The following MARCHF4 variants were observed in gnomAD, a reference collection of about 807,000 sequenced individuals.
MARCHF4 encodes the protein membrane associated ring-CH-type finger 4, also known as E3 ubiquitin-protein ligase MARCHF4.
Under a neutral mutation model 43.9 loss-of-function variants are expected in MARCHF4, and 14 were observed. The ratio of observed to expected loss-of-function variants is 0.32; its 90% CI spans 0.21 to 0.50. MARCHF4 has a LOEUF of 0.50. Ranked by LOEUF, MARCHF4 falls within the 20% of genes least tolerant of loss-of-function variation. The pLI, the probability that MARCHF4 is intolerant of heterozygous loss-of-function variation, is 0.98. For synonymous variants in MARCHF4, 226 were observed against 213.3 expected (o/e 1.06, Z -0.52); for missense variants, 468 against 536.7 (o/e 0.87, Z 1.27).
intron 3 of MARCHF4, among the ~76,000 whole-genome samples, chr2:216,269,419 G>T (rs1485195084): frequency 6.6e-6 from 1 of 152,146 alleles, no homozygotes; most frequent in Non-Finnish European, 1.5e-5. Context: ...GAGGACATTA[G>T]ATATAATCAG....
Position 216,370,023 on chromosome 2 carries a change from G to T in MARCHF4, c.238C>A (p.Pro80Thr). ...GCCCACCCCCCGGCGCCCAGAGCCGGAAGGGTGTTGTTGGCCGCCAAACCG... is the reference window on the plus strand; with the variant it reads ...GCCCACCCCCCGGCGCCCAGAGCCGTAAGGGTGTTGTTGGCCGCCAAACCG... ...PPGLAANNTL[P>T]ALGAGGWAGW... The change falls in exon 1 of 4, where the codon CCG (proline) becomes ACG (threonine). Residue 80 changes from proline to threonine, a missense_variant. Physicochemically the swap from Pro to Thr is conservative, Grantham distance 38 (BLOSUM62 -1). Coordinates refer to ENST00000273067, the MANE Select transcript of MARCHF4 (RefSeq NM_020814.3). 6.5e-7 allele frequency: 1 copy of T among 1,545,734 alleles called. No individual in the cohort carries two copies. Among genetic ancestry groups the T allele is most frequent in the Non-Finnish European group, 8.8e-7 (1 of 1,142,550 alleles).
chr2:216,279,711 G>T (rs1006447791), intron 2 of MARCHF4, among the ~76,000 whole-genome samples: 4 of 152,330 alleles, frequency 2.6e-5, no homozygotes, highest in African/African-American at 2.4e-5. Context: ...TAGGACATCA[G>T]CGTCTACATT....
At chr2:216,277,165 C>T (rs1380205477) in intron 3 of MARCHF4, among the ~76,000 whole-genome samples, 3 of 152,056 alleles carry the variant, frequency 2.0e-5, no homozygotes, top group African/African-American at 7.2e-5. Flanking sequence ...CAGTACTACA[C>T]AAAGCTGGAA....
chr2:216,337,189 G>A (rs1692171982), intron 1 of MARCHF4, among the ~76,000 whole-genome samples: 1 of 150,842 alleles, frequency 6.6e-6, no homozygotes, highest in Admixed American at 6.6e-5. Flanking sequence ...AAGAATGAAT[G>A]ACAATGTGCA....
At chr2:216,348,410 A>G (rs771698201) in intron 1 of MARCHF4, among the ~76,000 whole-genome samples, 15 of 152,180 alleles carry the variant, frequency 9.9e-5, no homozygotes, top group Non-Finnish European at 2.2e-4. Context: ...GACCTTGCTG[A>G]TAAAATAGGT....
At chr2:216,290,119 A>G (rs996323953) in intron 1 of MARCHF4, among the ~76,000 whole-genome samples, 2 of 152,362 alleles carry the variant, frequency 1.3e-5, no homozygotes, top group South Asian at 2.1e-4. Context: ...AGTAAACCAT[A>G]TATACCTAAG....
intron 1 of MARCHF4, among the ~76,000 whole-genome samples, chr2:216,326,365 A>T (rs1691991713): frequency 6.7e-6 from 1 of 148,458 alleles, no homozygotes; most frequent in East Asian, 2.0e-4. Context: ...TGTTGGTGGG[A>T]CTGTAAACTA....
chr2:216,291,888 G>A (rs1334903334), intron 1 of MARCHF4, among the ~76,000 whole-genome samples: 3 of 152,128 alleles, frequency 2.0e-5, no homozygotes, highest in Admixed American at 6.5e-5. Context: ...TGGAAAAGGA[G>A]GGCTCTGGAA....
At chr2:216,278,500 C>T (rs1333772773) in intron 2 of MARCHF4, among the ~76,000 whole-genome samples, 1 of 152,338 alleles carries the variant, frequency 6.6e-6, no homozygotes, top group Admixed American at 6.5e-5. Flanking sequence ...GCTGGGATTA[C>T]AGGTGTGAGC....
chr2:216,299,955 C>G (rs1453121355), intron 1 of MARCHF4, among the ~76,000 whole-genome samples: 2 of 152,224 alleles, frequency 1.3e-5, no homozygotes, highest in Non-Finnish European at 2.9e-5. Context: ...AATGCACAAG[C>G]ACCTTTCAAG....
intron 1 of MARCHF4, among the ~76,000 whole-genome samples, chr2:216,318,830 A>G (rs2105961550): frequency 6.6e-6 from 1 of 152,296 alleles, no homozygotes; most frequent in East Asian, 1.9e-4. Flanking sequence ...GTGACTAAGA[A>G]AAAATCATCA....
chr2:216,346,263 C>T (rs769798260), intron 1 of MARCHF4, among the ~76,000 whole-genome samples: 1 of 150,244 alleles, frequency 6.7e-6, no homozygotes, highest in Non-Finnish European at 1.5e-5. Flanking sequence ...CCCCCACCCA[C>T]CCACACACGC....
chr2:216,320,954 C>T (rs1691885488), intron 1 of MARCHF4, among the ~76,000 whole-genome samples: 1 of 150,472 alleles, frequency 6.6e-6, no homozygotes, highest in South Asian at 2.1e-4. Context: ...GCTGGGATTA[C>T]AAGCAGAGCC....
At chr2:216,366,496 T>C (rs1692667129) in intron 1 of MARCHF4, among the ~76,000 whole-genome samples, 1 of 152,142 alleles carries the variant, frequency 6.6e-6, no homozygotes, top group Non-Finnish European at 1.5e-5. Context: ...AGTGTTCACA[T>C]CTATCTCTCT....
chr2:216,329,250 G>A lies in MARCHF4; in HGVS notation c.516+40495C>T, dbSNP rs1373169277. 3.3e-5 allele frequency among the ~76,000 whole-genome samples: 5 copies of A among 152,094 alleles called. No individual in the cohort carries two copies. In the East Asian group the frequency reaches 7.7e-4, roughly 23 times the overall value. ...AAAGAAATTAGCCAGGCTTGGTGGC[G>A]GGCACCTGTAGTCCCAGCTACTCGG... On this transcript the variant is annotated intron_variant, in intron 1 of 3. Transcript: ENST00000273067.
chr2:216,332,317 G>A (rs1439965731), intron 1 of MARCHF4, among the ~76,000 whole-genome samples: 2 of 151,662 alleles, frequency 1.3e-5, no homozygotes, highest in East Asian at 3.9e-4. Flanking sequence ...GCTTGAACCC[G>A]GGAGGTGGAA....
intron 3 of MARCHF4, among the ~76,000 whole-genome samples, chr2:216,263,300 G>T (rs1014193509): frequency 7.9e-5 from 12 of 152,048 alleles, no homozygotes; most frequent in Non-Finnish European, 1.5e-5. Context: ...GGTGACACGC[G>T]CCTGTAATCC....
rs147506978 is a variant in MARCHF4, at chr2:216,294,410, A to AGT, written c.517-10683_517-10682dup. Among the ~76,000 whole-genome samples, 46 of 152,372 alleles carry AGT rather than the reference A, an allele frequency of 3.0e-4. No homozygotes were observed. In the East Asian group the frequency reaches 8.7e-3, roughly 29 times the overall value. ...TTCAGGGGAAACAGCAGATGTTGCA[A>AGT]GTGCAAATGAGCTGTGATGACAAGT... On this transcript the variant is annotated intron_variant, in intron 1 of 3. Coordinates refer to ENST00000273067, the MANE Select transcript of MARCHF4 (RefSeq NM_020814.3).
intron 3 of MARCHF4, among the ~76,000 whole-genome samples, chr2:216,264,850 G>T (rs1690819612): frequency 6.6e-6 from 1 of 152,222 alleles, no homozygotes; most frequent in African/African-American, 2.4e-5. Flanking sequence ...GTTGGCTGAA[G>T]GTGAAGAAGG....
Sources: gnomAD v4.1 joint callset for allele counts (sites outside exome capture counted in the v4.1 genomes callset) on GRCh38, gnomAD v4.1.1 for gene constraint, MANE v1.5 for transcripts, NCBI Gene and HGNC (gene_info 2026-07-23, HGNC 2026-07-21) for gene names.